The following PDE1C variants were observed in gnomAD, a reference collection of about 807,000 sequenced individuals.
PDE1C encodes the protein phosphodiesterase 1C.
In PDE1C, 62 loss-of-function variants were observed where a neutral mutation model predicts 93.1. That is an observed-to-expected ratio of 0.67 (90% CI 0.54 to 0.82). The LOEUF (loss-of-function observed/expected upper bound fraction) is 0.82. Ranked by LOEUF, PDE1C falls within the 40% of genes least tolerant of loss-of-function variation. The pLI, the probability that PDE1C is intolerant of heterozygous loss-of-function variation, is 0.00. For synonymous variants in PDE1C, 325 were observed against 310.1 expected (o/e 1.05, Z -0.50); for missense variants, 742 against 884.6 (o/e 0.84, Z 2.04).
At chr7:32,185,899 C>G (rs1275252846) in intron 2 of PDE1C, among the ~76,000 whole-genome samples, 1 of 152,224 alleles carries the variant, frequency 6.6e-6, no homozygotes, top group Admixed American at 6.5e-5. Flanking sequence ...AACATTACAG[C>G]AAGTTTCACT....
the PDE1C span, among the ~76,000 whole-genome samples, chr7:31,691,830 A>G: frequency 1.3e-5 from 2 of 151,240 alleles, no homozygotes; most frequent in Non-Finnish European, 3.0e-5. Context: ...AAACCAAGCA[A>G]AAAACCCACA....
chr7:31,907,033 G>C (rs1397359548), intron 2 of PDE1C, among the ~76,000 whole-genome samples: 2 of 151,360 alleles, frequency 1.3e-5, no homozygotes, highest in African/African-American at 4.9e-5. Context: ...AGCAAGAATA[G>C]GACTTGAGAA....
At chr7:32,245,764 G>A (rs562985523) in intron 1 of PDE1C, among the ~76,000 whole-genome samples, 7 of 152,190 alleles carry the variant, frequency 4.6e-5, no homozygotes, top group South Asian at 4.1e-4. Context: ...GAGAGGGCCC[G>A]CTTTCTGGTT....
chr7:32,293,911 A>G (rs866755556), intron 1 of PDE1C, among the ~76,000 whole-genome samples: 2 of 152,160 alleles, frequency 1.3e-5, no homozygotes, highest in South Asian at 4.1e-4. Flanking sequence ...TGGAAGGCAG[A>G]CAAAACACTC....
At chr7:31,630,919 TA>T in the PDE1C span, among the ~76,000 whole-genome samples, 1 of 152,084 alleles carries the variant, frequency 6.6e-6, no homozygotes, top group Non-Finnish European at 1.5e-5. Flanking sequence ...ATGTATGAAA[TA>T]AGACCAAAGC....
At chr7:31,813,311 A>T (rs1173657459) in intron 15 of PDE1C, among the ~76,000 whole-genome samples, 2 of 152,098 alleles carry the variant, frequency 1.3e-5, no homozygotes, top group Non-Finnish European at 2.9e-5. Context: ...TGTTTTCTGT[A>T]AGACACACAC....
chr7:32,100,007 A>G (rs1797966197), intron 3 of PDE1C, among the ~76,000 whole-genome samples: 1 of 152,028 alleles, frequency 6.6e-6, no homozygotes, highest in Non-Finnish European at 1.5e-5. Context: ...ACTTTCAACT[A>G]TCCACTGCAC....
At chr7:32,196,081 C>T (rs1034537921) in intron 2 of PDE1C, among the ~76,000 whole-genome samples, 6 of 152,166 alleles carry the variant, frequency 3.9e-5, no homozygotes, top group South Asian at 2.1e-4. Context: ...AGCCTAGGTT[C>T]CCCACATATT....
At chr7:31,639,537 TG>T in the PDE1C span, among the ~76,000 whole-genome samples, 10 of 22,120 alleles carry the variant, frequency 4.5e-4, no homozygotes, top group East Asian at 2.1e-3. Context: ...TGTTTGTTTT[TG>T]TTTTTTTTTT....
At chr7:32,228,470 G>A in intron 1 of PDE1C, among the ~76,000 whole-genome samples, 1 of 152,178 alleles carries the variant, frequency 6.6e-6, no homozygotes, top group East Asian at 1.9e-4. Flanking sequence ...CTAAAGCTTA[G>A]AAAGTTTAAG....
At chr7:32,416,261 C>T (rs1187257424) in intron 1 of PDE1C, among the ~76,000 whole-genome samples, 1 of 152,214 alleles carries the variant, frequency 6.6e-6, no homozygotes, top group Non-Finnish European at 1.5e-5. Context: ...CCCCTGGACA[C>T]AGAGACTCCG....
At chr7:32,020,868 G>A (rs1281809898) in intron 2 of PDE1C, among the ~76,000 whole-genome samples, 2 of 152,100 alleles carry the variant, frequency 1.3e-5, no homozygotes, top group African/African-American at 4.8e-5. Context: ...GCCATGTTTT[G>A]CATTGCAGAA....
intron 2 of PDE1C, among the ~76,000 whole-genome samples, chr7:31,975,259 G>A (rs952117164): frequency 6.6e-6 from 1 of 152,200 alleles, no homozygotes; most frequent in African/African-American, 2.4e-5. Flanking sequence ...ATTCTAGGAT[G>A]CTTTTCTGAC....
intron 1 of PDE1C, among the ~76,000 whole-genome samples, chr7:32,312,117 A>G (rs951477313): frequency 3.4e-4 from 51 of 152,110 alleles, no homozygotes; most frequent in Non-Finnish European, 6.2e-4. Context: ...AATAACAGAC[A>G]AACAGAGAGC....
chr7:31,753,464 G>C lies in PDE1C; in HGVS notation c.2050C>G (p.Pro684Ala), dbSNP rs769667766. 34 of 1,612,536 alleles carry C rather than the reference G, an allele frequency of 2.1e-5. No individual in the cohort carries two copies. The highest frequency in any genetic ancestry group is 2.5e-5 in the Non-Finnish European group (29 of 1,179,718). The change falls in exon 18 of 18, where the codon CCT becomes GCT. Residue 684 changes from proline to alanine, a missense_variant. By Grantham distance (27) the Pro-to-Ala change is conservative. Around this residue, in one of 4 missense-constraint regions of PDE1C, gnomAD observed 454 missense variants for 459.4 expected, o/e 0.99. Coordinates refer to ENST00000396191, the MANE Select transcript of PDE1C (RefSeq NM_001191057.4). ...TGATCCAGCATCTTGTACCTTGCAG[G>C]ATGCTCATCAGTTTTCTTTGAGACT... ...PSVSKKTDEHPARYKMLDQRI... is the reference protein window; with the variant it reads ...PSVSKKTDEHAARYKMLDQRI...
intron 2 of PDE1C, among the ~76,000 whole-genome samples, chr7:31,898,266 C>T (rs1799559786): frequency 6.6e-6 from 1 of 151,794 alleles, no homozygotes; most frequent in Non-Finnish European, 1.5e-5. Flanking sequence ...TTATAAAATA[C>T]CTATTAGAAA....
At chr7:31,924,130 C>CA (rs946401428) in intron 2 of PDE1C, among the ~76,000 whole-genome samples, 4 of 152,016 alleles carry the variant, frequency 2.6e-5, no homozygotes, top group East Asian at 1.9e-4. Context: ...TAGGATCTCC[C>CA]AAAAAACTTT....
the PDE1C span, chr7:31,643,958 G>C: frequency 6.3e-7 from 1 of 1,597,266 alleles, no homozygotes; most frequent in Non-Finnish European, 8.5e-7. Flanking sequence ...TGTTCCGTAA[G>C]TGTTCACCCT....
intron 2 of PDE1C, among the ~76,000 whole-genome samples, chr7:31,948,443 A>C (rs1237755589): frequency 6.6e-6 from 1 of 152,074 alleles, no homozygotes; most frequent in Non-Finnish European, 1.5e-5. Flanking sequence ...AGCTTAAAAA[A>C]CAGTTATTTT....
Sources: gnomAD v4.1 joint callset for allele counts (sites outside exome capture counted in the v4.1 genomes callset) on GRCh38, gnomAD v4.1.1 for gene constraint, gnomAD v4.1.1 regional missense constraint, MANE v1.5 for transcripts, NCBI Gene and HGNC (gene_info 2026-07-23, HGNC 2026-07-21) for gene names.